Variants in SORBS2 observed in about 807,000 individuals in gnomAD.
SORBS2 encodes sorbin and SH3 domain-containing protein 2.
In SORBS2, 46 loss-of-function variants were observed where a neutral mutation model predicts 97.7. That is an observed-to-expected ratio of 0.47 (90% confidence interval 0.37 to 0.60). The LOEUF (loss-of-function observed/expected upper bound fraction) is 0.60, where lower values mean the gene tolerates loss of function less well. Ranked by LOEUF, SORBS2 falls within the 20% of genes least tolerant of loss-of-function variation. The probability of loss-of-function intolerance (pLI) is 0.00; values close to 1 mark genes in which losing one functional copy is unlikely to be tolerated. For missense variants in SORBS2, 1,316 were observed against 1,282.3 expected (o/e 1.03, Z -0.40); for synonymous variants, 476 against 473.4 (o/e 1.01, Z -0.07).
At chr4:185,615,156 C>T (rs1329085392) in exon 10 of SORBS2, 1 of 1,586,052 alleles carries the variant, frequency 6.3e-7, no homozygotes, top group South Asian at 1.1e-5. Context: ...TAAATGACAA[C>T]TCCCTGGAAG....
At chr4:185,789,834 C>T (rs1450852064) in intron 1 of SORBS2, among the ~76,000 whole-genome samples, 2 of 152,100 alleles carry the variant, frequency 1.3e-5, no homozygotes, top group African/African-American at 4.8e-5. Context: ...AATTTTGCTG[C>T]TATTCTTGCT....
intron 2 of SORBS2, among the ~76,000 whole-genome samples, chr4:185,716,174 G>A (rs185996154): frequency 6.6e-6 from 1 of 152,340 alleles, no homozygotes; most frequent in East Asian, 1.9e-4. Context: ...AGACAGAGAT[G>A]GGCGTGGTCT....
upstream of SORBS2, among the ~76,000 whole-genome samples, chr4:185,657,963 C>T (rs1481965379): frequency 6.6e-6 from 1 of 152,114 alleles, no homozygotes; most frequent in Non-Finnish European, 1.5e-5. Flanking sequence ...AGATAAGGGG[C>T]AGGAGCTGAG....
chr4:185,892,931 T>G (rs2099243201), intron 1 of SORBS2, among the ~76,000 whole-genome samples: 1 of 152,082 alleles, frequency 6.6e-6, no homozygotes, highest in East Asian at 1.9e-4. Flanking sequence ...TTATGTTATT[T>G]AGAAAATGAG....
chr4:185,748,875 C>G (rs1484775372), intron 2 of SORBS2, among the ~76,000 whole-genome samples: 1 of 152,128 alleles, frequency 6.6e-6, no homozygotes, highest in African/African-American at 2.4e-5. Flanking sequence ...CTTCTGTGCC[C>G]TACTCCAAGA....
chr4:185,802,284 T>C (rs767111173), intron 1 of SORBS2, among the ~76,000 whole-genome samples: 14 of 152,236 alleles, frequency 9.2e-5, no homozygotes, highest in Non-Finnish European at 1.8e-4. Flanking sequence ...CGTTCCTGTC[T>C]TCCTGCACTA....
intron 1 of SORBS2, among the ~76,000 whole-genome samples, chr4:185,890,315 T>G (rs1205912061): frequency 6.6e-6 from 1 of 152,224 alleles, no homozygotes; most frequent in Non-Finnish European, 1.5e-5. Context: ...CAAAGCTCTT[T>G]ACAGTACAGA....
At chr4:185,893,394 G>A (rs907899379) in intron 1 of SORBS2, among the ~76,000 whole-genome samples, 1 of 152,184 alleles carries the variant, frequency 6.6e-6, no homozygotes, top group Non-Finnish European at 1.5e-5. Flanking sequence ...TCCTGGGCTG[G>A]AGCCCACCCA....
At chr4:185,802,921 C>T (rs1281684358) in intron 1 of SORBS2, among the ~76,000 whole-genome samples, 1 of 152,160 alleles carries the variant, frequency 6.6e-6, no homozygotes, top group Admixed American at 6.5e-5. Context: ...CTCTTTCACT[C>T]TCTGAGGGGT....
At chr4:185,823,970 A>G (rs546877513) in intron 1 of SORBS2, among the ~76,000 whole-genome samples, 4 of 152,324 alleles carry the variant, frequency 2.6e-5, no homozygotes, top group African/African-American at 9.6e-5. Context: ...ATCTTAGGGT[A>G]GGAATACCTC....
At chr4:185,843,407 C>T (rs544807100) in intron 1 of SORBS2, among the ~76,000 whole-genome samples, 27 of 152,150 alleles carry the variant, frequency 1.8e-4, no homozygotes, top group South Asian at 8.3e-4. Flanking sequence ...AGAAATAAAA[C>T]GGTTTTTATT....
intron 12 of SORBS2, among the ~76,000 whole-genome samples, chr4:185,600,463 C>T (rs529482409): frequency 1.4e-4 from 21 of 152,258 alleles, no homozygotes; most frequent in Non-Finnish European, 2.6e-4. Flanking sequence ...CTCAGCCTCC[C>T]GAGTAGCTGG....
intron 1 of SORBS2, among the ~76,000 whole-genome samples, chr4:185,827,917 TCATCATCAC>T (rs1377087775): frequency 1.9e-4 from 27 of 145,678 alleles, no homozygotes; most frequent in African/African-American, 6.7e-4. Flanking sequence ...ACCATCATCA[TCATCATCAC>T]CATCATCACC....
chr4:185,597,423 G>A (rs2096131780), intron 12 of SORBS2, among the ~76,000 whole-genome samples: 1 of 151,854 alleles, frequency 6.6e-6, no homozygotes, highest in African/African-American at 2.4e-5. Context: ...TCTCGGTCAC[G>A]TAAAAAAAAA....
intron 1 of SORBS2, among the ~76,000 whole-genome samples, chr4:185,860,846 T>C (rs2040933475): frequency 6.6e-6 from 1 of 152,148 alleles, no homozygotes; most frequent in Admixed American, 6.5e-5. Flanking sequence ...TGGGTGAAGA[T>C]AAGAGGTCGT....
intron 1 of SORBS2, among the ~76,000 whole-genome samples, chr4:185,935,512 T>C (rs2099268500): frequency 6.6e-6 from 1 of 152,172 alleles, no homozygotes; most frequent in Non-Finnish European, 1.5e-5. Context: ...CCAAGTGCTA[T>C]AGCAATATTA....
Position 185,678,412 on chromosome 4 carries a change from T to C in SORBS2, c.-46+11A>G, listed in dbSNP as rs370510608. ...TAAAATAATGCAGTAGCCAAGAGTGTGCAGGGTTACCTGAGTTGGTGATCT... is the reference window on the plus strand; with the variant it reads ...TAAAATAATGCAGTAGCCAAGAGTGCGCAGGGTTACCTGAGTTGGTGATCT... On this transcript the variant is annotated intron_variant, in intron 4 of 20. Transcript: ENST00000284776. The C allele has an allele frequency of 4.1e-4, 631 of 1,548,318 alleles. 4 individuals carry two copies. The highest frequency in any genetic ancestry group is 3.8e-4 in the Admixed American group (19 of 50,208).
chr4:185,854,404 C>T (rs1368054246), intron 1 of SORBS2, among the ~76,000 whole-genome samples: 1 of 152,132 alleles, frequency 6.6e-6, no homozygotes, highest in African/African-American at 2.4e-5. Flanking sequence ...ATTAGACTGG[C>T]CCAGTGACAT....
chr4:185,640,155 A>AAG (rs1460444022), intron 4 of SORBS2, among the ~76,000 whole-genome samples: 1 of 152,250 alleles, frequency 6.6e-6, no homozygotes, highest in Non-Finnish European at 1.5e-5. Flanking sequence ...GTGACAAAAT[A>AAG]GTGCAAAAGC....
Sources: allele counts gnomAD v4.1 joint callset (sites outside exome capture counted in the v4.1 genomes callset), GRCh38; gene constraint gnomAD v4.1.1; transcripts MANE v1.5; gene names NCBI Gene and HGNC (gene_info 2026-07-23, HGNC 2026-07-21).